Variants in LAMA2 observed in about 807,000 individuals in gnomAD.
The protein encoded by LAMA2 is laminin subunit alpha 2.
In LAMA2, 269 loss-of-function variants were observed where a neutral mutation model predicts 364.8. The ratio of observed to expected loss-of-function variants is 0.74; its 90% confidence interval spans 0.67 to 0.82. The LOEUF is 0.82. Among genes scored for constraint, LAMA2 ranks in the 40% least tolerant of loss-of-function variants. LAMA2 has a pLI of 0.00. For synonymous variants in LAMA2, 1,379 were observed against 1,370.6 expected (o/e 1.01, Z -0.14); for missense variants, 3,807 against 3,873.2 (o/e 0.98, Z 0.45).
At chr6:129,052,259 C>T (rs946765914) in intron 2 of LAMA2, among the ~76,000 whole-genome samples, 1 of 151,414 alleles carries the variant, frequency 6.6e-6, no homozygotes, top group African/African-American at 2.4e-5. Flanking sequence ...CCTCAGCCTC[C>T]CCAGCAGCTG....
chr6:129,325,364 A>G (rs1775210910), intron 28 of LAMA2, among the ~76,000 whole-genome samples: 1 of 152,162 alleles, frequency 6.6e-6, no homozygotes, highest in African/African-American at 2.4e-5. Flanking sequence ...AAAGGATTTT[A>G]GATGGGACTC....
intron 14 of LAMA2, among the ~76,000 whole-genome samples, chr6:129,255,708 T>C (rs1786613175): frequency 6.6e-6 from 1 of 152,114 alleles, no homozygotes; most frequent in South Asian, 2.1e-4. Context: ...TTATACAGAA[T>C]TTATATAATA....
At chr6:128,937,833 T>A (rs903225761) in intron 1 of LAMA2, among the ~76,000 whole-genome samples, 5 of 151,678 alleles carry the variant, frequency 3.3e-5, no homozygotes, top group African/African-American at 1.2e-4. Flanking sequence ...TCTATCTTTG[T>A]CTTAGTTTTT....
chr6:129,388,218 T>A (rs1379173569), intron 35 of LAMA2, among the ~76,000 whole-genome samples: 1 of 149,362 alleles, frequency 6.7e-6, no homozygotes, highest in Non-Finnish European at 1.5e-5. Flanking sequence ...ATTGTGCCAC[T>A]GCACTCCAGC....
chr6:129,241,876 A>T (rs1391161055), intron 12 of LAMA2, among the ~76,000 whole-genome samples: 2 of 152,188 alleles, frequency 1.3e-5, no homozygotes, highest in Non-Finnish European at 2.9e-5. Context: ...GCTGTAAGAA[A>T]GAATCACCTG....
chr6:129,115,072 C>G (rs1211736946), intron 4 of LAMA2, among the ~76,000 whole-genome samples: 1 of 151,798 alleles, frequency 6.6e-6, no homozygotes, highest in African/African-American at 2.4e-5. Flanking sequence ...CTATTTTTTT[C>G]ATTTCACCCT....
chr6:129,486,654 A>AACTC, intron 56 of LAMA2, 32 bp downstream of exon 56: 2 of 1,588,544 alleles, frequency 1.3e-6, no homozygotes, highest in Non-Finnish European at 1.7e-6. Context: ...TTATTATTGT[A>AACTC]ACTCAGGTGA....
rs756159043 is a variant in LAMA2 at position 129,492,472 on chromosome 6, G to A, written c.8233G>A (p.Val2745Ile). Residue 2745 changes from valine (V) to isoleucine (I), a missense_variant, in exon 58 of 65, where the codon GTT becomes ATT. Coordinates refer to ENST00000421865, the MANE Select transcript of LAMA2 (RefSeq NM_000426.4). ...CCCAGCCTTTCCTACGCCCACCCCA[G>A]TTCTGACACATGTAAGTGTTTATAT... Reference protein sequence around the residue: ...PTPAFPTPTPVLTHGPCAAES... With the variant: ...PTPAFPTPTPILTHGPCAAES... 6.8e-6 allele frequency: 11 copies of A among 1,613,232 alleles called. No homozygotes were observed. In the East Asian group the frequency reaches 2.2e-4, roughly 33 times the overall value.
chr6:129,418,458 A>G lies in LAMA2; in HGVS notation c.5866-9294A>G, dbSNP rs74772542. ...ATGATAGTCCAGATTTTCAGAATTG[A>G]TAAGATATTTATATTACCCTAAGAG... On this transcript the variant is annotated intron_variant, in intron 40 of 64. Transcript: ENST00000421865. Among the ~76,000 whole-genome samples, 1,198 of 152,258 alleles carry G rather than the reference A, an allele frequency of 7.9e-3. 16 individuals carry two copies. The highest frequency in any genetic ancestry group is 0.028 in the African/African-American group (1,153 of 41,524).
chr6:129,088,503 G>T (rs550029519), intron 3 of LAMA2, among the ~76,000 whole-genome samples: 2 of 150,100 alleles, frequency 1.3e-5, no homozygotes, highest in Admixed American at 1.3e-4. Flanking sequence ...CCTCCCAGAC[G>T]GGGTGGCTGG....
intron 4 of LAMA2, among the ~76,000 whole-genome samples, chr6:129,123,261 G>A (rs1460088006): frequency 1.3e-5 from 2 of 151,024 alleles, no homozygotes; most frequent in African/African-American, 4.9e-5. Context: ...AACTGAGATG[G>A]TGCCACTGCA....
intron 4 of LAMA2, among the ~76,000 whole-genome samples, chr6:129,114,104 C>T (rs1329113428): frequency 3.3e-5 from 5 of 151,906 alleles, no homozygotes; most frequent in Admixed American, 1.3e-4. Flanking sequence ...TCTTCAGGCC[C>T]TTTAGACTTT....
At chr6:129,089,096 G>A (rs966572501) in intron 3 of LAMA2, among the ~76,000 whole-genome samples, 2 of 152,260 alleles carry the variant, frequency 1.3e-5, no homozygotes, top group Non-Finnish European at 2.9e-5. Flanking sequence ...CAGATCACTC[G>A]CGGTTAGGAG....
chr6:129,388,189 G>A lies in LAMA2; in HGVS notation c.5072-3302G>A, dbSNP rs115251917. ...GTAGAATCGCTTGAACCCAGGAGGT[G>A]CGGTCGCAGTGAGCAGAAATTGTGC... On this transcript the variant is annotated intron_variant, in intron 35 of 64. Transcript: ENST00000421865. Among the ~76,000 whole-genome samples the A allele has an allele frequency of 4.6e-3, 691 of 151,706 alleles. 3 individuals carry two copies. Among genetic ancestry groups the A allele is most frequent in the African/African-American group, 0.016 (657 of 41,370 alleles).
At chr6:129,116,947 C>T (rs1776515660) in intron 4 of LAMA2, among the ~76,000 whole-genome samples, 1 of 151,866 alleles carries the variant, frequency 6.6e-6, no homozygotes, top group Non-Finnish European at 1.5e-5. Flanking sequence ...AGGTGGCATA[C>T]ATGACAAAAC....
chr6:129,473,461 T>A, intron 52 of LAMA2, 109 bp downstream of exon 52: 3 of 1,082,034 alleles, frequency 2.8e-6, no homozygotes, highest in Non-Finnish European at 4.2e-6. Flanking sequence ...TAACCCTTGG[T>A]TGCAGAAAGG....
chr6:129,229,533 T>G lies in LAMA2; in HGVS notation c.1783-20579T>G, dbSNP rs1432204905. On this transcript the variant is annotated intron_variant, in intron 12 of 64. Transcript: ENST00000421865. ...TGCAATGCAATGAGAAACACAGACATGTAATGATCTGAGTTATGTTTTAAT... is the reference window on the plus strand; with the variant it reads ...TGCAATGCAATGAGAAACACAGACAGGTAATGATCTGAGTTATGTTTTAAT... Among the ~76,000 whole-genome samples the G allele has an allele frequency of 5.9e-5, 9 of 152,290 alleles. No individual in the cohort carries two copies. The East Asian group carries it at 1.7e-3, about 29-fold the overall frequency.
intron 1 of LAMA2, among the ~76,000 whole-genome samples, chr6:128,970,468 G>T (rs148848120): frequency 9.2e-5 from 14 of 152,166 alleles, no homozygotes; most frequent in Non-Finnish European, 2.1e-4. Context: ...ACACCTTGTG[G>T]GTACAGTTAA....
intron 40 of LAMA2, among the ~76,000 whole-genome samples, chr6:129,423,669 C>T (rs909331037): frequency 5.3e-5 from 8 of 151,858 alleles, no homozygotes; most frequent in African/African-American, 1.5e-4. Context: ...GGCAAGGATA[C>T]GTTGGAAGTT....
Sources: allele counts gnomAD v4.1 joint callset (sites outside exome capture counted in the v4.1 genomes callset), GRCh38; gene constraint gnomAD v4.1.1; transcripts MANE v1.5; gene names NCBI Gene and HGNC (gene_info 2026-07-23, HGNC 2026-07-21).